The following DAPK2 variants were observed in gnomAD, a reference collection of about 807,000 sequenced individuals.
DAPK2 encodes the protein death associated protein kinase 2.
A neutral mutation model predicts 44.1 loss-of-function variants in DAPK2; 35 were observed. That is an observed-to-expected ratio of 0.79 (90% CI 0.61 to 1.05). The LOEUF (loss-of-function observed/expected upper bound fraction) is 1.05, where lower values mean the gene tolerates loss of function less well. DAPK2 is among the 50% of genes least tolerant of loss of function. The pLI, the probability that DAPK2 is intolerant of heterozygous loss-of-function variation, is 0.00. For synonymous variants in DAPK2, 174 were observed against 182.6 expected (o/e 0.95, Z 0.38); for missense variants, 453 against 483.2 (o/e 0.94, Z 0.59).
chr15:63,942,426 C>T (rs886228944), intron 3 of DAPK2: 1 of 157,954 alleles, frequency 6.3e-6, no homozygotes, highest in Non-Finnish European at 1.4e-5. Flanking sequence ...GTGGCATGCA[C>T]CTATAATCCT....
chr15:63,991,657 C>A (rs2078823350), intron 1 of DAPK2, among the ~76,000 whole-genome samples: 2 of 152,200 alleles, frequency 1.3e-5, no homozygotes, highest in Admixed American at 1.3e-4. Context: ...CCAGGGAACA[C>A]AGTTTGAGAA....
chr15:64,036,322 TA>T lies in DAPK2; in HGVS notation c.92+3847del, dbSNP rs2080197344. ...GTGTGTGTGTGTGTATATATATGTA[TA>T]TATATATATATATACATATATATAT... is the stretch of plus-strand genomic sequence containing the variant. On this transcript the variant is annotated intron_variant, in intron 1 of 10. Transcript: ENST00000261891. 2.6e-5 allele frequency among the ~76,000 whole-genome samples: 3 copies of T among 116,076 alleles called. No individual in the cohort carries two copies. The South Asian group carries it at 7.6e-4, about 29-fold the overall frequency. 76.2% of individuals were successfully genotyped at this position (116,076 alleles called of 152,430 possible).
At chr15:63,972,431 A>G (rs372832095) in intron 2 of DAPK2, among the ~76,000 whole-genome samples, 14 of 152,354 alleles carry the variant, frequency 9.2e-5, no homozygotes, top group East Asian at 5.8e-4. Flanking sequence ...GAGATTCTCA[A>G]TCTTCTTAGA....
rs544250647 is a variant in DAPK2, at chr15:63,949,420, A to G, written c.454-10059T>C. Among the ~76,000 whole-genome samples the G allele has an allele frequency of 9.1e-4, 139 of 152,330 alleles. 1 individual carries two copies. Among genetic ancestry groups the G allele is most frequent in the African/African-American group, 3.2e-3 (133 of 41,582 alleles). Reference sequence around the variant, plus strand: ...GCACACTGGCTTTATGGTCTGTGCCACACACCACCAGCATTTGCCTTGGGC... The same window carrying G: ...GCACACTGGCTTTATGGTCTGTGCCGCACACCACCAGCATTTGCCTTGGGC... On this transcript the variant is annotated intron_variant, in intron 3 of 10. Coordinates refer to ENST00000261891, the Ensembl canonical transcript of DAPK2.
chr15:64,036,170 A>C (rs1245578033), intron 1 of DAPK2, among the ~76,000 whole-genome samples: 1 of 150,704 alleles, frequency 6.6e-6, no homozygotes, highest in Non-Finnish European at 1.5e-5. Flanking sequence ...CTGAGGCAGG[A>C]GAATAGCTTG....
At chr15:63,922,749 C>T in intron 8 of DAPK2, 1 of 1,518,648 alleles carries the variant, frequency 6.6e-7, no homozygotes. Context: ...AGCTTCCAGC[C>T]TGCCAGAAAT....
chr15:63,950,251 T>C (rs2077551720), intron 3 of DAPK2, among the ~76,000 whole-genome samples: 1 of 152,240 alleles, frequency 6.6e-6, no homozygotes, highest in African/African-American at 2.4e-5. Context: ...AGTCTCACTC[T>C]ATCAACCAAG....
intron 1 of DAPK2, among the ~76,000 whole-genome samples, chr15:64,018,154 A>C (rs2079583078): frequency 6.6e-6 from 1 of 152,144 alleles, no homozygotes; most frequent in Non-Finnish European, 1.5e-5. Context: ...CTTTGATGAA[A>C]CCCAACTCTG....
chr15:64,034,695 C>A (rs1454979550), intron 1 of DAPK2, among the ~76,000 whole-genome samples: 3 of 152,136 alleles, frequency 2.0e-5, no homozygotes, highest in Non-Finnish European at 2.9e-5. Context: ...AGTCGGTAGT[C>A]GAGAAGTTTC....
chr15:63,947,055 CT>C (rs201181374), intron 3 of DAPK2, among the ~76,000 whole-genome samples: 649 of 51,336 alleles, frequency 0.013, 3 homozygotes, highest in African/African-American at 0.034. Flanking sequence ...ATTCAAGGCC[CT>C]GCTTCCCCAC....
chr15:63,938,317 T>C (rs1296807562), intron 4 of DAPK2, among the ~76,000 whole-genome samples: 5 of 152,210 alleles, frequency 3.3e-5, no homozygotes, highest in Non-Finnish European at 7.3e-5. Flanking sequence ...CTCTGCTTCA[T>C]GAAGCCATTT....
At chr15:63,955,722 C>G (rs28881773) in intron 3 of DAPK2, among the ~76,000 whole-genome samples, 4,281 of 152,144 alleles carry the variant, frequency 0.028, 206 homozygotes, top group African/African-American at 0.094. Context: ...CATGCACCAC[C>G]ACACCCAGCT....
rs918555505 is a variant in DAPK2, at chr15:63,923,418, A to G, written c.858+1398T>C. 2.7e-6 allele frequency: 4 copies of G among 1,484,748 alleles called. No individual in the cohort carries two copies. Among genetic ancestry groups the G allele is most frequent in the African/African-American group, 1.4e-5 (1 of 71,592 alleles). 92.0% of individuals were successfully genotyped at this position (1,484,748 alleles called of 1,614,324 possible). ...CCAGAGGGCAGTCCAAAGGGTAGGC[A>G]GAAGGCACACAAGCGGCCTCTGGCA... On this transcript the variant is annotated intron_variant, in intron 8 of 10. Coordinates refer to ENST00000261891, the Ensembl canonical transcript of DAPK2. The surrounding 1 kb of genome is among the most constrained non-coding windows in gnomAD (Gnocchi z 4.2).
chr15:63,930,975 G>A (rs1284873415), intron 4 of DAPK2, among the ~76,000 whole-genome samples: 2 of 152,096 alleles, frequency 1.3e-5, no homozygotes, highest in Admixed American at 1.3e-4. Context: ...GAGGTGGGAG[G>A]ATTGCTTGAG....
At chr15:64,016,417 T>C (rs1247723190) in intron 1 of DAPK2, among the ~76,000 whole-genome samples, 2 of 152,194 alleles carry the variant, frequency 1.3e-5, no homozygotes, top group Non-Finnish European at 2.9e-5. Flanking sequence ...GGGATATGAG[T>C]GATTTGCCCT....
intron 3 of DAPK2, among the ~76,000 whole-genome samples, chr15:63,960,153 T>C (rs1428530819): frequency 3.3e-5 from 5 of 152,368 alleles, no homozygotes; most frequent in Middle Eastern, 6.8e-3. Context: ...GAGGTGTTTA[T>C]AGTATTCTCT....
chr15:63,971,436 T>C, exon 3 of DAPK2: 1 of 1,614,198 alleles, frequency 6.2e-7, no homozygotes. Context: ...GAGATCAAAG[T>C]GAGCAATTTT....
In DAPK2 at chr15:63,908,718, G is replaced by A. The variant is rs1454837496; in HGVS notation, c.1033-118C>T. ...GACCACGGGACTACAAGCCAGGGAG[G>A]TGGGTGGTGAAAGCAAGCCTGCTGA... On this transcript the variant is annotated intron_variant, in intron 10 of 10. Transcript: ENST00000261891. This position sits in a 1 kb window ranked among gnomAD's most constrained non-coding sequence, Gnocchi z 5.7. 1.1e-5 allele frequency: 9 copies of A among 803,650 alleles called. No homozygotes were observed. The highest frequency in any genetic ancestry group is 1.8e-5 in the African/African-American group (1 of 56,044). 49.8% of individuals were successfully genotyped at this position (803,650 alleles called of 1,614,324 possible).
In DAPK2 at chr15:63,963,308, C is replaced by T. The variant is rs189140841; in HGVS notation, c.453+8115G>A. ...GACCCCTTGTGCTTCCCGAGTGAGGCGATGCCCCTCCCTGCTCCATGGGCT... is the reference window on the plus strand; with the variant it reads ...GACCCCTTGTGCTTCCCGAGTGAGGTGATGCCCCTCCCTGCTCCATGGGCT... On this transcript the variant is annotated intron_variant, in intron 3 of 10. Transcript: ENST00000261891. Among the ~76,000 whole-genome samples the T allele has an allele frequency of 6.9e-4, 105 of 151,986 alleles. 2 individuals carry two copies. In the East Asian group the frequency reaches 0.014, roughly 20 times the overall value.
Sources: allele counts gnomAD v4.1 joint callset (sites outside exome capture counted in the v4.1 genomes callset), GRCh38; gene constraint gnomAD v4.1.1; non-coding constraint Gnocchi (gnomAD v3.1); transcripts MANE v1.5; gene names NCBI Gene and HGNC (gene_info 2026-07-23, HGNC 2026-07-21).